The following SLC35D4 variants were observed in gnomAD, a reference collection of about 807,000 sequenced individuals.
The protein encoded by SLC35D4 is solute carrier family 35 member D4.
chr18:23,327,255 C>A, the SLC35D4 span, among the ~76,000 whole-genome samples: 6 of 152,100 alleles, frequency 3.9e-5, no homozygotes, highest in Non-Finnish European at 4.4e-5. Context: ...ATCAATGAAT[C>A]CAGGAGCTGG....
the SLC35D4 span, chr18:23,297,858 G>T: frequency 1.2e-6 from 1 of 856,512 alleles, no homozygotes; most frequent in Non-Finnish European, 1.8e-6. Flanking sequence ...ACTTGGGTGA[G>T]GGTGATGGCA....
At chr18:23,377,116 G>C in the SLC35D4 span, among the ~76,000 whole-genome samples, 3 of 152,166 alleles carry the variant, frequency 2.0e-5, no homozygotes, top group African/African-American at 7.2e-5. Flanking sequence ...ACCCAGGTTA[G>C]AATTCAAATG....
At chr18:23,311,339 C>T in the SLC35D4 span, among the ~76,000 whole-genome samples, 3 of 151,588 alleles carry the variant, frequency 2.0e-5, no homozygotes, top group African/African-American at 4.8e-5. Flanking sequence ...CAATCCCACC[C>T]GCCTTGGCCT....
At chr18:23,405,706 G>A in the SLC35D4 span, among the ~76,000 whole-genome samples, 1 of 152,206 alleles carries the variant, frequency 6.6e-6, no homozygotes, top group African/African-American at 2.4e-5. Flanking sequence ...AGAGAGGGGT[G>A]TCGGGGAAGG....
chr18:23,370,951 G>A, the SLC35D4 span, among the ~76,000 whole-genome samples: 2 of 152,082 alleles, frequency 1.3e-5, no homozygotes, highest in Non-Finnish European at 2.9e-5. Context: ...TCCAGAAAAT[G>A]CCCATTTAAT....
the SLC35D4 span, among the ~76,000 whole-genome samples, chr18:23,313,476 G>A: frequency 2.0e-5 from 3 of 152,080 alleles, no homozygotes; most frequent in Non-Finnish European, 2.9e-5. Flanking sequence ...GTGACAAGAA[G>A]CAAAACTTTA....
At chr18:23,429,955 GCTGT>G in the SLC35D4 span, among the ~76,000 whole-genome samples, 38 of 152,220 alleles carry the variant, frequency 2.5e-4, no homozygotes, top group Non-Finnish European at 1.2e-4. Context: ...CATTCTGTAG[GCTGT>G]CTGTTTACTC....
chr18:23,288,433 T>C, the SLC35D4 span, among the ~76,000 whole-genome samples: 2 of 152,130 alleles, frequency 1.3e-5, no homozygotes, highest in African/African-American at 4.8e-5. Flanking sequence ...CCCCGTCCCT[T>C]CCCTACACAT....
the SLC35D4 span, among the ~76,000 whole-genome samples, chr18:23,288,969 C>T: frequency 5.9e-5 from 9 of 152,190 alleles, no homozygotes; most frequent in Non-Finnish European, 1.2e-4. Flanking sequence ...TCAGGCCTGT[C>T]CTCGGAATGC....
At chr18:23,358,821 A>G in the SLC35D4 span, among the ~76,000 whole-genome samples, 1 of 152,076 alleles carries the variant, frequency 6.6e-6, no homozygotes, top group Non-Finnish European at 1.5e-5. Flanking sequence ...GTGGTCCTCA[A>G]TTTCAAGCTG....
the SLC35D4 span, among the ~76,000 whole-genome samples, chr18:23,407,891 G>A: frequency 6.6e-6 from 1 of 152,022 alleles, no homozygotes; most frequent in East Asian, 1.9e-4. Flanking sequence ...CTTTATCCTT[G>A]GATATGAGTA....
chr18:23,365,641 A>C, the SLC35D4 span: 2 of 1,613,728 alleles, frequency 1.2e-6, no homozygotes, highest in Non-Finnish European at 1.7e-6. Context: ...TACCTGTGGG[A>C]TGAGATGCAA....
the SLC35D4 span, among the ~76,000 whole-genome samples, chr18:23,377,433 T>C: frequency 6.6e-6 from 1 of 152,238 alleles, no homozygotes; most frequent in Non-Finnish European, 1.5e-5. Context: ...CACAGGTTGG[T>C]TCTGGTGTTT....
At chr18:23,437,686 G>C in the SLC35D4 span, 1 of 1,297,180 alleles carries the variant, frequency 7.7e-7, no homozygotes, top group Non-Finnish European at 1.1e-6. Context: ...GGAAGAATGA[G>C]GTAAAAAGCA....
chr18:23,270,223 T>C, the SLC35D4 span, among the ~76,000 whole-genome samples: 1 of 152,172 alleles, frequency 6.6e-6, no homozygotes, highest in Non-Finnish European at 1.5e-5. Flanking sequence ...AAGGTACAGC[T>C]CAGGTCATGG....
chr18:23,399,922 C>T, the SLC35D4 span, among the ~76,000 whole-genome samples: 2 of 152,324 alleles, frequency 1.3e-5, no homozygotes, highest in East Asian at 3.9e-4. Flanking sequence ...GAAGAGAGAA[C>T]AGATCTGGTT....
At chr18:23,249,293 A>C in the SLC35D4 span, among the ~76,000 whole-genome samples, 1 of 152,128 alleles carries the variant, frequency 6.6e-6, no homozygotes, top group South Asian at 2.1e-4. Context: ...TCCCAGGAGG[A>C]GGTTGGATGT....
At chr18:23,308,088 A>T in the SLC35D4 span, among the ~76,000 whole-genome samples, 2 of 152,220 alleles carry the variant, frequency 1.3e-5, no homozygotes, top group Non-Finnish European at 2.9e-5. Flanking sequence ...CAGGGAGGAA[A>T]TTAGCAAGGC....
chr18:23,411,409 T>A, the SLC35D4 span, among the ~76,000 whole-genome samples: 1,610 of 123,092 alleles, frequency 0.013, 39 homozygotes, highest in African/African-American at 0.047. Flanking sequence ...GAGAAGGGAA[T>A]GGAGAGAGAA....
Sources: gnomAD v4.1 joint callset for allele counts (sites outside exome capture counted in the v4.1 genomes callset) on GRCh38, gnomAD v4.1.1 for gene constraint, MANE v1.5 for transcripts, NCBI Gene and HGNC (gene_info 2026-07-23, HGNC 2026-07-21) for gene names.